Variants in RSRC1 observed in about 807,000 individuals in gnomAD.
The protein encoded by RSRC1 is serine/Arginine-related protein 53.
In RSRC1, 39 loss-of-function variants were observed where a neutral mutation model predicts 49.1. That is an observed-to-expected ratio of 0.79 (90% CI 0.61 to 1.04). RSRC1 has a LOEUF of 1.04. Ranked by LOEUF, RSRC1 falls within the 50% of genes least tolerant of loss-of-function variation. The pLI is 0.00. For synonymous variants in RSRC1, 143 were observed against 130.8 expected (o/e 1.09, Z -0.63); for missense variants, 388 against 402.4 (o/e 0.96, Z 0.31).
At chr3:158,229,441 T>C (rs1559952922) in intron 4 of RSRC1, among the ~76,000 whole-genome samples, 1 of 150,140 alleles carries the variant, frequency 6.7e-6, no homozygotes, top group Non-Finnish European at 1.5e-5. Flanking sequence ...TATACACATA[T>C]ACACACGTAT....
At chr3:158,296,170 A>C (rs143785435) in intron 4 of RSRC1, among the ~76,000 whole-genome samples, 118 of 152,238 alleles carry the variant, frequency 7.8e-4, no homozygotes, top group Non-Finnish European at 1.5e-3. Context: ...TCTAATAAGA[A>C]CCATTTTGTG....
intron 6 of RSRC1, among the ~76,000 whole-genome samples, chr3:158,410,999 A>G (rs973464271): frequency 2.6e-5 from 4 of 151,996 alleles, no homozygotes; most frequent in Non-Finnish European, 5.9e-5. Flanking sequence ...TAGTTTCACT[A>G]TGTATTGCTA....
chr3:158,111,851 C>G (rs1401733214), intron 1 of RSRC1, among the ~76,000 whole-genome samples: 1 of 152,202 alleles, frequency 6.6e-6, no homozygotes, highest in Admixed American at 6.5e-5. Flanking sequence ...ATAACTGCTT[C>G]TTGTACCCTT....
intron 1 of RSRC1, among the ~76,000 whole-genome samples, chr3:158,115,607 T>C (rs1340886324): frequency 6.6e-6 from 1 of 152,182 alleles, no homozygotes; most frequent in African/African-American, 2.4e-5. Context: ...GTAACATAAA[T>C]AGTATCTTTG....
intron 3 of RSRC1, among the ~76,000 whole-genome samples, chr3:158,177,409 TAGACTGGATTAAGAAA>T (rs1188071665): frequency 1.3e-5 from 2 of 152,214 alleles, no homozygotes; most frequent in Non-Finnish European, 2.9e-5. Context: ...CCATCAGTGA[TAGACTGGATTAAGAAA>T]ATGTGGCACA....
At chr3:158,427,097 G>C (rs1735486819) in intron 6 of RSRC1, among the ~76,000 whole-genome samples, 1 of 151,628 alleles carries the variant, frequency 6.6e-6, no homozygotes, top group South Asian at 2.1e-4. Flanking sequence ...GTATGACTTA[G>C]AGATACTTCT....
intron 7 of RSRC1, among the ~76,000 whole-genome samples, chr3:158,511,873 G>A (rs560545449): frequency 0.017 from 2,580 of 152,172 alleles, 78 homozygotes; most frequent in African/African-American, 0.059. Context: ...CTGATGGCCA[G>A]TGATGGTGAG....
At chr3:158,503,797 C>T (rs566538800) in intron 7 of RSRC1, among the ~76,000 whole-genome samples, 1 of 152,200 alleles carries the variant, frequency 6.6e-6, no homozygotes, top group South Asian at 2.1e-4. Context: ...GAGAACTTGC[C>T]CCAGACTACC....
At chr3:158,297,956 G>GTTTA (rs1727330029) in intron 4 of RSRC1, 83 bp from the exon 5 acceptor site, 9 of 978,298 alleles carry the variant, frequency 9.2e-6, no homozygotes, top group Non-Finnish European at 1.5e-5. Context: ...AATTACAAGG[G>GTTTA]TTTATAAAAC....
At chr3:158,512,740 C>T (rs1740262076) in intron 7 of RSRC1, among the ~76,000 whole-genome samples, 1 of 151,426 alleles carries the variant, frequency 6.6e-6, no homozygotes, top group Non-Finnish European at 1.5e-5. Context: ...ATTCTTCCTA[C>T]CCATGAGCAT....
chr3:158,436,803 G>A (rs1466747175), intron 6 of RSRC1, among the ~76,000 whole-genome samples: 1 of 151,780 alleles, frequency 6.6e-6, no homozygotes, highest in Non-Finnish European at 1.5e-5. Flanking sequence ...TATTGTGAGT[G>A]GTTGGCATAT....
chr3:158,176,625 C>T lies in RSRC1; in HGVS notation c.321-26447C>T, dbSNP rs574329877. ...AAGCTGAAACTGGATCCCTTCCTTA[C>T]ACCTTATACAAAAATTAATTCAAGA... On this transcript the variant is annotated intron_variant, in intron 3 of 9. Coordinates refer to ENST00000611884, the MANE Select transcript of RSRC1 (RefSeq NM_001271838.2). Among the ~76,000 whole-genome samples, 9 of 152,276 alleles carry T rather than the reference C, an allele frequency of 5.9e-5. No individual in the cohort carries two copies. In the South Asian group the frequency reaches 1.9e-3, roughly 32 times the overall value.
At chr3:158,228,724 GTAGA>G (rs1722662447) in intron 4 of RSRC1, among the ~76,000 whole-genome samples, 4 of 151,746 alleles carry the variant, frequency 2.6e-5, no homozygotes, top group African/African-American at 4.8e-5. Context: ...TCTAAATGAA[GTAGA>G]TAGTGTTCTA....
At chr3:158,213,602 C>A (rs1321082890) in intron 4 of RSRC1, among the ~76,000 whole-genome samples, 1 of 151,868 alleles carries the variant, frequency 6.6e-6, no homozygotes, top group Non-Finnish European at 1.5e-5. Flanking sequence ...TGTTTTAATT[C>A]TCTCTGAACT....
chr3:158,434,762 G>T (rs1447518119), intron 6 of RSRC1, among the ~76,000 whole-genome samples: 1 of 151,860 alleles, frequency 6.6e-6, no homozygotes, highest in Non-Finnish European at 1.5e-5. Flanking sequence ...TCATATTTTG[G>T]TAAATTTTTG....
chr3:158,518,115 T>C lies in RSRC1; in HGVS notation c.653-18977T>C, dbSNP rs1410617143. ...GCGTGCGTGTGTGTGTGTGTGTGTG[T>C]GTGTGTGTGTGTATATATATATATA... On this transcript the variant is annotated intron_variant, in intron 7 of 9. Coordinates refer to ENST00000611884, the MANE Select transcript of RSRC1 (RefSeq NM_001271838.2). 2.3e-3 allele frequency among the ~76,000 whole-genome samples: 196 copies of C among 85,408 alleles called. 5 individuals are homozygous for C. The highest frequency in any genetic ancestry group is 0.013 in the African/African-American group (191 of 15,258). The allele number at this position is 85,408 out of a possible 152,430, so 56.0% of individuals were successfully genotyped here.
At chr3:158,390,941 A>G (rs1351136507) in intron 6 of RSRC1, among the ~76,000 whole-genome samples, 2 of 152,168 alleles carry the variant, frequency 1.3e-5, no homozygotes, top group South Asian at 2.1e-4. Context: ...ATATATTACA[A>G]TGACTCTCCA....
rs1168384550 is a variant in RSRC1 at position 158,470,353 on chromosome 3, C to CATATATATAT, written c.652+9351_652+9352insTATATATATA. The stretch of plus-strand genomic sequence containing the variant: ...ACACACACACACACACACACACACA[C>CATATATATAT]ACACACACATATATATATATATATA... On this transcript the variant is annotated intron_variant, in intron 7 of 9. Coordinates refer to ENST00000611884, the MANE Select transcript of RSRC1 (RefSeq NM_001271838.2). Among the ~76,000 whole-genome samples the CATATATATAT allele has an allele frequency of 1.1e-3, 137 of 120,078 alleles. 1 individual carries two copies. Among genetic ancestry groups the CATATATATAT allele is most frequent in the African/African-American group, 4.5e-3 (131 of 28,908 alleles). 78.8% of individuals were successfully genotyped at this position (120,078 alleles called of 152,430 possible).
chr3:158,198,335 A>G, intron 3 of RSRC1, among the ~76,000 whole-genome samples: 1 of 151,502 alleles, frequency 6.6e-6, no homozygotes, highest in South Asian at 2.1e-4. Flanking sequence ...TTTGTTTCCC[A>G]TTTGCTTGGT....
Sources: gnomAD v4.1 joint callset for allele counts (sites outside exome capture counted in the v4.1 genomes callset) on GRCh38, gnomAD v4.1.1 for gene constraint, MANE v1.5 for transcripts, NCBI Gene and HGNC (gene_info 2026-07-23, HGNC 2026-07-21) for gene names.